BRAF: variants seen among roughly 807,000 people sequenced by gnomAD.
The protein encoded by BRAF is serine/threonine-protein kinase B-raf.
BRAF carries 16 observed loss-of-function variants against 104.6 expected under a neutral mutation model. The ratio of observed to expected loss-of-function variants is 0.15; its 90% CI spans 0.10 to 0.23. The LOEUF is 0.23. Ranked by LOEUF, BRAF falls within the 10% of genes least tolerant of loss-of-function variation. BRAF has a pLI of 1.00. For synonymous variants in BRAF, 310 were observed against 341.6 expected (o/e 0.91, Z 1.02); for missense variants, 541 against 937.3 (o/e 0.58, Z 5.52).
chr7:140,801,669 C>A, intron 5 of BRAF, 109 bp from the exon 6 acceptor site: 1 of 1,209,566 alleles, frequency 8.3e-7, no homozygotes, highest in Non-Finnish European at 1.2e-6. Context: ...ATATTTATAT[C>A]ATGAAACTCA....
At chr7:140,750,844 A>C (rs1309152387) in intron 16 of BRAF, among the ~76,000 whole-genome samples, 1 of 152,178 alleles carries the variant, frequency 6.6e-6, no homozygotes, top group Non-Finnish European at 1.5e-5. Flanking sequence ...AGTTTGATGA[A>C]AAGTTGCATG....
At chr7:140,814,415 A>G (rs1181245447) in intron 3 of BRAF, among the ~76,000 whole-genome samples, 1 of 152,160 alleles carries the variant, frequency 6.6e-6, no homozygotes, top group Non-Finnish European at 1.5e-5. Context: ...CTGTAATCCC[A>G]GCATTTTGGG....
In BRAF at chr7:140,909,832, AC is replaced by A. The variant is rs1379918165; in HGVS notation, c.138+14733del. On this transcript the variant is annotated intron_variant, in intron 1 of 19. Transcript: ENST00000644969. ...CAAAACAACAACAACAACAACAACA[AC>A]AACAACAACAACAAAAAAGTGCCTC... Among the ~76,000 whole-genome samples, 1,508 of 152,048 alleles carry A rather than the reference AC, an allele frequency of 9.9e-3. 23 individuals carry two copies. Among genetic ancestry groups the A allele is most frequent in the African/African-American group, 0.033 (1,366 of 41,432 alleles).
At chr7:140,727,758 C>T (rs1032724764) in intron 19 of BRAF, among the ~76,000 whole-genome samples, 11 of 152,022 alleles carry the variant, frequency 7.2e-5, no homozygotes, top group African/African-American at 2.7e-4. Flanking sequence ...GCAGCTGGGA[C>T]TACAGGCACA....
At chr7:140,741,575 T>TAGAAC (rs1213860699) in intron 17 of BRAF, 12 of 152,164 alleles carry the variant, frequency 7.9e-5, no homozygotes, top group African/African-American at 2.9e-4. Context: ...TTATTAATCT[T>TAGAAC]TTTGTGATAT....
intron 16 of BRAF, 101 bp downstream of exon 15, chr7:140,753,174 T>C (rs1221458476): frequency 3.5e-6 from 3 of 861,480 alleles, no homozygotes; most frequent in Non-Finnish European, 5.9e-6. Flanking sequence ...TACTGGGAAC[T>C]ATGAAAATAC....
At chr7:140,782,917 C>T in intron 11 of BRAF, 104 bp downstream of exon 10, 1 of 1,336,076 alleles carries the variant, frequency 7.5e-7, no homozygotes, top group Non-Finnish European at 1.0e-6. Context: ...TATGGGAATT[C>T]TGTGTCACAT....
intron 4 of BRAF, chr7:140,808,310 A>G (rs1372378611): frequency 3.5e-6 from 2 of 564,464 alleles, no homozygotes; most frequent in African/African-American, 1.9e-5. Flanking sequence ...TCAGCTCCAG[A>G]AAAGACCTAC....
intron 14 of BRAF, among the ~76,000 whole-genome samples, chr7:140,760,488 A>C (rs943895308): frequency 6.6e-6 from 1 of 152,052 alleles, no homozygotes; most frequent in African/African-American, 2.4e-5. Context: ...AGTGGGGTCC[A>C]AGATAAAAAG....
chr7:140,778,843 G>A (rs1800573558), intron 12 of BRAF, among the ~76,000 whole-genome samples: 1 of 151,866 alleles, frequency 6.6e-6, no homozygotes, highest in African/African-American at 2.4e-5. Flanking sequence ...TACTAAAACT[G>A]GACATATGCA....
intron 8 of BRAF, 57 bp from the exon 9 acceptor site, chr7:140,787,641 C>A (rs1406507494): frequency 7.0e-7 from 1 of 1,431,086 alleles, no homozygotes; most frequent in Non-Finnish European, 9.8e-7. Context: ...CAGAGAGTAG[C>A]GATAACACTG....
intron 3 of BRAF, among the ~76,000 whole-genome samples, chr7:140,819,589 C>T (rs1805255730): frequency 6.6e-6 from 1 of 152,126 alleles, no homozygotes; most frequent in Admixed American, 6.5e-5. Flanking sequence ...CACAGATGTC[C>T]ATCAGCTGAT....
intron 8 of BRAF, among the ~76,000 whole-genome samples, chr7:140,791,102 A>AAAAAC (rs1801913634): frequency 6.6e-6 from 1 of 152,172 alleles, no homozygotes; most frequent in South Asian, 2.1e-4. Context: ...CTCCATCTCA[A>AAAAAC]AAAACAAAAC....
At chr7:140,846,813 T>G (rs529393214) in intron 2 of BRAF, among the ~76,000 whole-genome samples, 2 of 152,248 alleles carry the variant, frequency 1.3e-5, no homozygotes, top group African/African-American at 4.8e-5. Flanking sequence ...TAAATATCAG[T>G]ATGTACAGGT....
Position 140,816,384 on chromosome 7 carries a change from T to C in BRAF, c.505-7389A>G, listed in dbSNP as rs568835800. ...CTAGCATTTACTCTAGTGATGTCCC[T>C]TTACTTTCGACCTATTCCATTGAAA... On this transcript the variant is annotated intron_variant, in intron 3 of 19. Coordinates refer to ENST00000644969, the MANE Select transcript of BRAF (RefSeq NM_001374258.1). 4.3e-4 allele frequency among the ~76,000 whole-genome samples: 65 copies of C among 152,236 alleles called. 1 individual carries two copies. The highest frequency in any genetic ancestry group is 7.9e-4 in the Non-Finnish European group (54 of 68,032).
chr7:140,784,892 C>G (rs527601587), intron 10 of BRAF, among the ~76,000 whole-genome samples: 2 of 152,258 alleles, frequency 1.3e-5, no homozygotes, highest in African/African-American at 4.8e-5. Context: ...GGTGATCCAT[C>G]CACCTCGGCC....
chr7:140,814,669 A>AAT (rs574303365), intron 3 of BRAF, among the ~76,000 whole-genome samples: 3,427 of 147,904 alleles, frequency 0.023, 143 homozygotes, highest in African/African-American at 0.079. Context: ...CATCTCAAAA[A>AAT]ATATATATAT....
chr7:140,719,978 A>G lies in BRAF; in HGVS notation c.*6516T>C. The G allele has an allele frequency of 2.8e-6, 3 of 1,062,714 alleles. No homozygotes were observed. Among genetic ancestry groups the G allele is most frequent in the Admixed American group, 5.4e-5 (1 of 18,686 alleles). The allele number at this position is 1,062,714 out of a possible 1,614,324, so 65.8% of individuals were successfully genotyped here. On this transcript the variant is annotated 3_prime_UTR_variant, in exon 20 of 20. Transcript: ENST00000644969. ...GTGAATTCACTGCAGTTCAAACAGGAAGCATCTCCCTTTCCTCTCCCTTAC... is the reference window on the plus strand; with the variant it reads ...GTGAATTCACTGCAGTTCAAACAGGGAGCATCTCCCTTTCCTCTCCCTTAC...
Position 140,734,714 on chromosome 7 carries a change from T to A in BRAF, c.2304A>T (p.Ala768=), listed in dbSNP as rs1796235018. The A allele has an allele frequency of 6.2e-7, 1 of 1,601,796 alleles. No individual in the cohort carries two copies. Among genetic ancestry groups the A allele is most frequent in the Non-Finnish European group, 8.5e-7 (1 of 1,178,634 alleles). Residue 768 remains alanine (A), a synonymous_variant, in exon 19 of 20, where the codon GCA becomes GCT. Transcript: ENST00000644969. ...ARSLPKIHRS[A]SEPSLNRAGF... ...CAGCCCGATTCAAGGAGGGTTCTGA[T>A]GCACTGCGGTGAATTTTTGGCAATG...
Sources: gnomAD v4.1 joint callset for allele counts (sites outside exome capture counted in the v4.1 genomes callset) on GRCh38, gnomAD v4.1.1 for gene constraint, MANE v1.5 for transcripts, NCBI Gene and HGNC (gene_info 2026-07-23, HGNC 2026-07-21) for gene names.